TCF12: variants seen among roughly 807,000 people sequenced by gnomAD.
The protein encoded by TCF12 is transcription factor 12, also known as DNA-binding protein HTF4.
In TCF12, 45 loss-of-function variants were observed where a neutral mutation model predicts 86.0. The ratio of observed to expected loss-of-function variants is 0.52; its 90% CI spans 0.41 to 0.67. The LOEUF (loss-of-function observed/expected upper bound fraction) is 0.67. Ranked by LOEUF, TCF12 falls within the 30% of genes least tolerant of loss-of-function variation. TCF12 has a pLI of 0.00. For synonymous variants in TCF12, 330 were observed against 299.6 expected, an observed-to-expected ratio of 1.10 and a Z score of -1.05; for missense variants, 881 against 859.9, an observed-to-expected ratio of 1.02 and a Z score of -0.31.
At chr15:57,248,912 A>G (rs1314918176) in intron 13 of TCF12, among the ~76,000 whole-genome samples, 1 of 152,240 alleles carries the variant, frequency 6.6e-6, no homozygotes, top group Non-Finnish European at 1.5e-5. Flanking sequence ...CTGTTTTGCA[A>G]AAGCAGATGC....
intron 7 of TCF12, among the ~76,000 whole-genome samples, chr15:57,195,114 G>A (rs2057188154): frequency 6.6e-6 from 1 of 152,094 alleles, no homozygotes; most frequent in Non-Finnish European, 1.5e-5. Context: ...TGTTGGCCAG[G>A]CTGGTCTCGA....
intron 3 of TCF12, among the ~76,000 whole-genome samples, chr15:56,978,433 A>G (rs868800635): frequency 2.0e-5 from 3 of 152,312 alleles, no homozygotes; most frequent in Middle Eastern, 3.4e-3. Flanking sequence ...AATAGTGAAA[A>G]GAATATGTAA....
intron 8 of TCF12, chr15:57,219,464 A>G: frequency 1.3e-6 from 2 of 1,574,714 alleles, no homozygotes; most frequent in South Asian, 1.1e-5. Flanking sequence ...GTGTGGATAT[A>G]TGTCTTGGAG....
chr15:57,035,051 T>TA (rs2066420274), intron 3 of TCF12, among the ~76,000 whole-genome samples: 1 of 152,192 alleles, frequency 6.6e-6, no homozygotes, highest in Non-Finnish European at 1.5e-5. Context: ...CTAATGTTAA[T>TA]AATATTAACA....
intron 3 of TCF12, among the ~76,000 whole-genome samples, chr15:57,042,902 T>A (rs2066990897): frequency 6.6e-6 from 1 of 152,236 alleles, no homozygotes; most frequent in African/African-American, 2.4e-5. Context: ...ACTCTGTCCC[T>A]ATTGAATAAC....
chr15:57,024,388 A>G (rs1326365168), intron 3 of TCF12, among the ~76,000 whole-genome samples: 1 of 151,700 alleles, frequency 6.6e-6, no homozygotes, highest in Non-Finnish European at 1.5e-5. Flanking sequence ...TAATTTCTGT[A>G]TTTTCAGTAG....
chr15:56,932,221 A>G (rs1372371625), intron 3 of TCF12, among the ~76,000 whole-genome samples: 1 of 152,210 alleles, frequency 6.6e-6, no homozygotes, highest in Non-Finnish European at 1.5e-5. Context: ...TGCTTCATAA[A>G]TATTTACTCA....
chr15:57,138,246 C>T (rs1436512489), intron 5 of TCF12, among the ~76,000 whole-genome samples: 3 of 152,188 alleles, frequency 2.0e-5, no homozygotes, highest in East Asian at 3.9e-4. Flanking sequence ...AATGACACTT[C>T]AGCGTTAACT....
chr15:57,266,260 T>C (rs1458601952), intron 18 of TCF12, among the ~76,000 whole-genome samples: 1 of 152,128 alleles, frequency 6.6e-6, no homozygotes, highest in South Asian at 2.1e-4. Flanking sequence ...GTATTTTTAA[T>C]AGAGACAAGG....
In TCF12 at chr15:57,120,093, T is replaced by C. The variant is rs567937014; in HGVS notation, c.325+28202T>C. ...GCCCTTCATACATTTTTTTGCCTAATTAAATCTGTCAGTTCATTTATCAGT... is the reference window on the plus strand; with the variant it reads ...GCCCTTCATACATTTTTTTGCCTAACTAAATCTGTCAGTTCATTTATCAGT... On this transcript the variant is annotated intron_variant, in intron 5 of 20. Transcript: ENST00000333725. 7.9e-5 allele frequency among the ~76,000 whole-genome samples: 12 copies of C among 152,384 alleles called. No individual in the cohort carries two copies. The East Asian group carries it at 2.1e-3, about 27-fold the overall frequency.
intron 5 of TCF12, among the ~76,000 whole-genome samples, chr15:57,117,762 C>T (rs1450446479): frequency 6.6e-6 from 1 of 152,070 alleles, no homozygotes; most frequent in Non-Finnish European, 1.5e-5. Context: ...CATTTTATTT[C>T]ATTTAGAATC....
At chr15:57,166,569 G>A (rs2054910737) in intron 6 of TCF12, 103 bp downstream of exon 6, 5 of 1,046,046 alleles carry the variant, frequency 4.8e-6, no homozygotes, top group Non-Finnish European at 6.8e-6. Flanking sequence ...TTTCACTACT[G>A]TTTGTTTAAT....
At chr15:57,057,988 T>A (rs2068163514) in intron 3 of TCF12, among the ~76,000 whole-genome samples, 1 of 152,214 alleles carries the variant, frequency 6.6e-6, no homozygotes, top group Non-Finnish European at 1.5e-5. Context: ...TCAGGTACGT[T>A]GGGAGGGCCC....
chr15:57,265,064 GATAAATAGT>G (rs1316164176), intron 18 of TCF12, among the ~76,000 whole-genome samples: 2 of 143,934 alleles, frequency 1.4e-5, no homozygotes, highest in African/African-American at 5.4e-5. Context: ...ATACTCTAAT[GATAAATAGT>G]ATAGTATAGT....
intron 5 of TCF12, among the ~76,000 whole-genome samples, chr15:57,133,038 T>C (rs565012576): frequency 3.9e-5 from 6 of 152,358 alleles, no homozygotes; most frequent in Admixed American, 3.9e-4. Flanking sequence ...TTTAGCTAGG[T>C]TATTTTAGAA....
At chr15:56,987,993 A>G (rs1456783398) in intron 3 of TCF12, among the ~76,000 whole-genome samples, 1 of 152,238 alleles carries the variant, frequency 6.6e-6, no homozygotes, top group Non-Finnish European at 1.5e-5. Flanking sequence ...TATTTCATAT[A>G]TCACTTGTAT....
chr15:56,967,504 G>A (rs972313345), intron 3 of TCF12, among the ~76,000 whole-genome samples: 1 of 152,172 alleles, frequency 6.6e-6, no homozygotes, highest in Non-Finnish European at 1.5e-5. Context: ...TCCTTCTTCT[G>A]TTTGTGTATC....
At chr15:57,237,171 G>A (rs187568932) in intron 12 of TCF12, among the ~76,000 whole-genome samples, 18 of 151,926 alleles carry the variant, frequency 1.2e-4, no homozygotes, top group South Asian at 4.2e-4. Flanking sequence ...GTGTGTGTGT[G>A]TATATGTATG....
intron 18 of TCF12, among the ~76,000 whole-genome samples, chr15:57,265,609 TA>T (rs2060825483): frequency 6.6e-6 from 1 of 152,210 alleles, no homozygotes; most frequent in African/African-American, 2.4e-5. Context: ...TTTTGGTTTT[TA>T]TTTAGAAGTT....
Sources: allele counts gnomAD v4.1 joint callset (sites outside exome capture counted in the v4.1 genomes callset), GRCh38; gene constraint gnomAD v4.1.1; transcripts MANE v1.5; gene names NCBI Gene and HGNC (gene_info 2026-07-23, HGNC 2026-07-21).